Variants in ADCY7 observed in about 807,000 individuals in gnomAD.
ADCY7 encodes adenylate cyclase 7.
A neutral mutation model predicts 120.6 loss-of-function variants in ADCY7; 72 were observed. The observed-to-expected ratio is 0.60, with a 90% CI of 0.49 to 0.73. The LOEUF (loss-of-function observed/expected upper bound fraction) is 0.73, where lower values mean the gene tolerates loss of function less well. Ranked by LOEUF, ADCY7 falls within the 30% of genes least tolerant of loss-of-function variation. The pLI, the probability that ADCY7 is intolerant of heterozygous loss-of-function variation, is 0.00. For synonymous variants in ADCY7, 661 were observed against 628.0 expected, an observed-to-expected ratio of 1.05 and a Z score of -0.78; for missense variants, 1,227 against 1,486.0, an observed-to-expected ratio of 0.83 and a Z score of 2.87.
intron 2 of ADCY7, 22 bp from the exon 3 acceptor site, chr16:50,290,435 C>T (rs2150958027): frequency 6.2e-7 from 1 of 1,613,712 alleles, no homozygotes; most frequent in Non-Finnish European, 8.5e-7. Context: ...CCGAGGCATT[C>T]CTGTCTGTTT....
chr16:50,308,963 T>G, intron 17 of ADCY7, 171 bp downstream of exon 17: 1 of 793,886 alleles, frequency 1.3e-6, no homozygotes, highest in Non-Finnish European at 1.8e-6. Flanking sequence ...CTTTGGGTTC[T>G]CAAATGCGGA....
chr16:50,306,965 G>GT lies in ADCY7; in HGVS notation c.1753-77dup, dbSNP rs375149671. 1,121 of 1,090,886 alleles carry GT rather than the reference G, an allele frequency of 1.0e-3. 6 individuals are homozygous for GT. In the African/African-American group the frequency reaches 0.013, roughly 13 times the overall value. 67.6% of individuals were successfully genotyped at this position (1,090,886 alleles called of 1,614,324 possible). On this transcript the variant is annotated intron_variant, in intron 14 of 25. Transcript: ENST00000673801. ...TGAGCCACTGTCCCAGCAGGGAGGT[G>GT]TTTTTTTTAAAGCTGATTCACTGGA...
intron 1 of ADCY7, among the ~76,000 whole-genome samples, chr16:50,251,700 C>A (rs2032761383): frequency 6.6e-6 from 1 of 152,228 alleles, no homozygotes. Context: ...CAGGGTGGCG[C>A]CTCACCCAGA....
chr16:50,253,422 T>C (rs1298999422), intron 1 of ADCY7, among the ~76,000 whole-genome samples: 4 of 152,128 alleles, frequency 2.6e-5, no homozygotes, highest in Middle Eastern at 3.2e-3. Context: ...CGACTAATTT[T>C]TGTGTTTTTA....
chr16:50,313,158 T>G, intron 22 of ADCY7, 122 bp downstream of exon 22: 1 of 1,369,268 alleles, frequency 7.3e-7, no homozygotes, highest in Non-Finnish European at 9.8e-7. Context: ...CAAGGTGGTC[T>G]ATAATCCCAG....
intron 1 of ADCY7, among the ~76,000 whole-genome samples, chr16:50,270,990 G>A (rs1215859311): frequency 1.3e-5 from 2 of 152,196 alleles, no homozygotes; most frequent in African/African-American, 2.4e-5. Flanking sequence ...CATCTGGCCT[G>A]ACCTGCTGCT....
chr16:50,311,513 T>C (rs1290950399), intron 19 of ADCY7, among the ~76,000 whole-genome samples, 180 bp from the exon 20 acceptor site: 1 of 151,792 alleles, frequency 6.6e-6, no homozygotes, highest in Non-Finnish European at 1.5e-5. Context: ...GGCTCCCCCA[T>C]CTCCCTGCCC....
At chr16:50,306,396 A>G (rs1053731806) in intron 14 of ADCY7, among the ~76,000 whole-genome samples, 4 of 152,150 alleles carry the variant, frequency 2.6e-5, no homozygotes, top group East Asian at 3.9e-4. Context: ...GCCTGTCCCC[A>G]GCTTCAGGTG....
chr16:50,311,023 G>T, intron 19 of ADCY7, 143 bp downstream of exon 19: 1 of 871,202 alleles, frequency 1.1e-6, no homozygotes, highest in Non-Finnish European at 1.7e-6. Flanking sequence ...AGCGCTCAGA[G>T]CCGAGGAATT....
intron 10 of ADCY7, among the ~76,000 whole-genome samples, chr16:50,302,748 C>G (rs1300185203): frequency 6.6e-6 from 1 of 151,982 alleles, no homozygotes; most frequent in Admixed American, 6.6e-5. Flanking sequence ...GAGTGAACTG[C>G]GAGTCCCCCC....
Position 50,290,471 on chromosome 16 carries a change from C to G in ADCY7, c.186C>G (p.His62Gln), listed in dbSNP as rs753944425. 3.1e-6 allele frequency: 5 copies of G among 1,614,222 alleles called. No individual in the cohort carries two copies. The highest frequency in any genetic ancestry group is 4.2e-6 in the Non-Finnish European group (5 of 1,180,052). ...IAFSQGDPSRHQAILGMAFLV... is the reference protein window; with the variant it reads ...IAFSQGDPSRQQAILGMAFLV... Reference sequence around the variant, plus strand: ...GCTCCACCCAGGACCCCTCCAGACACCAGGCCATTCTGGGCATGGCGTTCC... The same window carrying G: ...GCTCCACCCAGGACCCCTCCAGACAGCAGGCCATTCTGGGCATGGCGTTCC... Residue 62 changes from histidine to glutamine, a missense_variant, in exon 3 of 26, where the codon CAC (histidine) becomes CAG (glutamine). By Grantham distance (24) the His-to-Gln change is conservative (BLOSUM62 0). Coordinates refer to ENST00000673801, the MANE Select transcript of ADCY7 (RefSeq NM_001114.5).
intron 20 of ADCY7, 34 bp downstream of exon 20, chr16:50,311,820 T>G: frequency 4.2e-6 from 5 of 1,202,824 alleles, no homozygotes; most frequent in East Asian, 3.8e-5. Context: ...CCCCCCAAGC[T>G]CTGCCCACTT....
chr16:50,314,615 C>T, intron 24 of ADCY7: 1 of 534,144 alleles, frequency 1.9e-6, no homozygotes, highest in South Asian at 2.6e-5. Context: ...TACGTAACTA[C>T]AGAAAATGGA....
In ADCY7 at chr16:50,292,722, C is replaced by T. The variant is rs368650919; in HGVS notation, c.584C>T (p.Ala195Val). ...TTCCTGTGTGGGAACCTGACAGGCG[C>T]CTTCCACAAGCACCAAATGCAGGAT... ...VIFLCGNLTG[A>V]FHKHQMQDAS... is the part of the protein sequence containing the mutation. Residue 195 changes from alanine (A) to valine (V), a missense_variant, in exon 5 of 26, where the codon GCC becomes GTC. Coordinates refer to ENST00000673801, the MANE Select transcript of ADCY7 (RefSeq NM_001114.5). 9 of 1,613,912 alleles carry T rather than the reference C, an allele frequency of 5.6e-6. No individual in the cohort carries two copies. The African/African-American group carries it at 1.1e-4, about 19-fold the overall frequency.
intron 1 of ADCY7, among the ~76,000 whole-genome samples, chr16:50,260,389 AAG>A (rs900294213): frequency 5.3e-5 from 8 of 152,276 alleles, no homozygotes; most frequent in African/African-American, 1.9e-4. Context: ...GAAAGGGAGA[AAG>A]AGAGGACTTG....
At chr16:50,258,845 C>T (rs1419365935) in intron 1 of ADCY7, among the ~76,000 whole-genome samples, 2 of 152,086 alleles carry the variant, frequency 1.3e-5, no homozygotes, top group Admixed American at 6.6e-5. Context: ...ATCTCCCTGT[C>T]TTGGTCTCCC....
chr16:50,281,874 C>T (rs536382874), intron 1 of ADCY7, among the ~76,000 whole-genome samples: 6 of 152,320 alleles, frequency 3.9e-5, no homozygotes, highest in Middle Eastern at 3.4e-3. Flanking sequence ...TGAGAGAGTT[C>T]GCGTTAATAT....
chr16:50,299,114 G>A, intron 8 of ADCY7, 83 bp downstream of exon 8: 1 of 1,465,406 alleles, frequency 6.8e-7, no homozygotes, highest in African/African-American at 1.4e-5. Context: ...TCATTCTCAT[G>A]TCACAGATGG....
chr16:50,271,330 C>T (rs2033558660), intron 1 of ADCY7, among the ~76,000 whole-genome samples: 1 of 152,190 alleles, frequency 6.6e-6, no homozygotes, highest in Non-Finnish European at 1.5e-5. Flanking sequence ...CAGCCTCGAC[C>T]TCCTGGGCTC....
Sources: allele counts gnomAD v4.1 joint callset (sites outside exome capture counted in the v4.1 genomes callset), GRCh38; gene constraint gnomAD v4.1.1; transcripts MANE v1.5; gene names NCBI Gene and HGNC (gene_info 2026-07-23, HGNC 2026-07-21).